Variants in STK39 observed in about 807,000 individuals in gnomAD.
STK39 encodes the protein serine/threonine kinase 39.
Under a neutral mutation model 77.8 loss-of-function variants are expected in STK39, and 20 were observed. That is an observed-to-expected ratio of 0.26 (90% CI 0.18 to 0.37). The LOEUF is 0.37. Among genes scored for constraint, STK39 ranks in the 10% least tolerant of loss-of-function variants. The probability of loss-of-function intolerance (pLI) is 1.00; values close to 1 mark genes in which losing one functional copy is unlikely to be tolerated. For synonymous variants in STK39, 246 were observed against 234.1 expected (o/e 1.05, Z -0.47); for missense variants, 479 against 656.5 (o/e 0.73, Z 2.95).
At chr2:168,029,391 A>G (rs1286770708) in intron 14 of STK39, among the ~76,000 whole-genome samples, 1 of 152,204 alleles carries the variant, frequency 6.6e-6, no homozygotes, top group Non-Finnish European at 1.5e-5. Context: ...TTTATAAGGG[A>G]CACTGAGTAA....
At chr2:167,976,040 A>G (rs747577607) in intron 16 of STK39, among the ~76,000 whole-genome samples, 22 of 152,216 alleles carry the variant, frequency 1.4e-4, no homozygotes, top group Middle Eastern at 3.2e-3. Context: ...TGATCTTAAA[A>G]GAACTCCTCA....
At chr2:168,071,040 A>T (rs1483194056) in intron 12 of STK39, among the ~76,000 whole-genome samples, 1 of 152,124 alleles carries the variant, frequency 6.6e-6, no homozygotes, top group Admixed American at 6.5e-5. Context: ...TAATACTGTA[A>T]TACTTGGTCA....
At chr2:168,152,612 C>A (rs1228751825) in intron 5 of STK39, among the ~76,000 whole-genome samples, 1 of 152,152 alleles carries the variant, frequency 6.6e-6, no homozygotes, top group Admixed American at 6.5e-5. Flanking sequence ...GCTTTTATGA[C>A]TTTCAGAATG....
At chr2:168,159,457 G>A (rs1275828957) in intron 5 of STK39, among the ~76,000 whole-genome samples, 2 of 152,060 alleles carry the variant, frequency 1.3e-5, no homozygotes, top group African/African-American at 2.4e-5. Flanking sequence ...CAGCAACCAA[G>A]TACCTGACCA....
chr2:168,227,223 T>A (rs1440455718), intron 1 of STK39, among the ~76,000 whole-genome samples: 1 of 152,196 alleles, frequency 6.6e-6, no homozygotes. Flanking sequence ...TCTGCAAGGA[T>A]ACACACCAAA....
chr2:168,242,700 T>G (rs1174919284), intron 1 of STK39, among the ~76,000 whole-genome samples: 1 of 147,566 alleles, frequency 6.8e-6, no homozygotes, highest in Non-Finnish European at 1.5e-5. Flanking sequence ...TTGGGCAACA[T>G]AGTGAGACCC....
chr2:168,142,642 GCC>G (rs1033668967), intron 5 of STK39, among the ~76,000 whole-genome samples: 10 of 152,094 alleles, frequency 6.6e-5, no homozygotes, highest in Non-Finnish European at 1.0e-4. Flanking sequence ...ATGTATAGTA[GCC>G]ATTTATTATT....
chr2:168,050,303 T>C (rs771279428), intron 14 of STK39, among the ~76,000 whole-genome samples: 12 of 152,208 alleles, frequency 7.9e-5, no homozygotes, highest in Non-Finnish European at 1.3e-4. Context: ...AGAAATTATA[T>C]ACCACAAATA....
At chr2:168,102,615 C>T (rs1207393566) in intron 10 of STK39, among the ~76,000 whole-genome samples, 1 of 152,116 alleles carries the variant, frequency 6.6e-6, no homozygotes, top group Non-Finnish European at 1.5e-5. Context: ...CATTCTGGGA[C>T]CATGAATTTA....
intron 1 of STK39, among the ~76,000 whole-genome samples, chr2:168,187,672 C>T (rs753040306): frequency 5.9e-5 from 9 of 152,324 alleles, no homozygotes; most frequent in African/African-American, 1.4e-4. Context: ...TTTAATACCA[C>T]GTAATATTTC....
At chr2:168,224,854 A>C (rs1037577505) in intron 1 of STK39, among the ~76,000 whole-genome samples, 2 of 152,182 alleles carry the variant, frequency 1.3e-5, no homozygotes, top group African/African-American at 2.4e-5. Flanking sequence ...ATTCCTGCAA[A>C]ATGATAATCA....
At chr2:168,038,603 T>C (rs1351194917) in intron 14 of STK39, among the ~76,000 whole-genome samples, 1 of 152,124 alleles carries the variant, frequency 6.6e-6, no homozygotes, top group Non-Finnish European at 1.5e-5. Context: ...ACTTTTGTTC[T>C]TTAAAAGATA....
At chr2:168,194,292 G>A (rs925217357) in intron 1 of STK39, among the ~76,000 whole-genome samples, 1 of 152,052 alleles carries the variant, frequency 6.6e-6, no homozygotes, top group Non-Finnish European at 1.5e-5. Flanking sequence ...TGGTGGTGCA[G>A]GCATGTAGTC....
Position 168,011,342 on chromosome 2 carries a change from G to C in STK39, c.1498+1292C>G, listed in dbSNP as rs898802478. Among the ~76,000 whole-genome samples the C allele has an allele frequency of 1.1e-4, 16 of 150,070 alleles. No individual in the cohort carries two copies. The Admixed American group carries it at 1.1e-3, about 10-fold the overall frequency. On this transcript the variant is annotated intron_variant, in intron 16 of 17. Transcript: ENST00000355999. ...ACCAAACATAAACCATATCATTTAA[G>C]GGGAGCATGTCATTTCAAAAATCAG...
intron 16 of STK39, among the ~76,000 whole-genome samples, chr2:167,980,748 T>C (rs1176405234): frequency 9.2e-6 from 1 of 109,278 alleles, no homozygotes. Flanking sequence ...TCATTTCTTG[T>C]TGTTGTTTTT....
chr2:168,084,482 G>A (rs1343902450), intron 10 of STK39, among the ~76,000 whole-genome samples: 1 of 152,192 alleles, frequency 6.6e-6, no homozygotes, highest in Non-Finnish European at 1.5e-5. Context: ...GTTGTTTTAA[G>A]AAGGTTGTCA....
At chr2:167,964,425 C>A (rs144800949) in intron 17 of STK39, 5 of 445,306 alleles carry the variant, frequency 1.1e-5, no homozygotes, top group African/African-American at 1.0e-4. Flanking sequence ...TATGGCCGCT[C>A]TTAGTCAAAG....
At chr2:168,101,898 C>T (rs1019427380) in intron 10 of STK39, among the ~76,000 whole-genome samples, 1 of 152,078 alleles carries the variant, frequency 6.6e-6, no homozygotes, top group African/African-American at 2.4e-5. Context: ...ATTGCTGTCA[C>T]CCCAAAAAGA....
intron 2 of STK39, among the ~76,000 whole-genome samples, chr2:168,172,743 T>A (rs1478962754): frequency 2.6e-5 from 4 of 152,186 alleles, no homozygotes; most frequent in Non-Finnish European, 5.9e-5. Flanking sequence ...TTACAACTTA[T>A]GTAAATCCTA....
Sources: gnomAD v4.1 joint callset for allele counts (sites outside exome capture counted in the v4.1 genomes callset) on GRCh38, gnomAD v4.1.1 for gene constraint, MANE v1.5 for transcripts, NCBI Gene and HGNC (gene_info 2026-07-23, HGNC 2026-07-21) for gene names.